Variants in PCDHGB2 observed in about 807,000 individuals in gnomAD.
PCDHGB2 encodes protocadherin gamma subfamily B, 2, also known as protocadherin gamma-B2.
PCDHGB2 carries 55 observed loss-of-function variants against 59.3 expected under a neutral mutation model. That is an observed-to-expected ratio of 0.93 (90% CI 0.75 to 1.16). PCDHGB2 has a LOEUF of 1.16. PCDHGB2 is among the 50% of genes most tolerant of loss of function. PCDHGB2 has a pLI of 0.00. For missense variants in PCDHGB2, 1,228 were observed against 1,198.5 expected, an observed-to-expected ratio of 1.02 and a Z score of -0.36; for synonymous variants, 516 against 512.0, an observed-to-expected ratio of 1.01 and a Z score of -0.11.
At chr5:141,441,920 A>G (rs1276085080) in intron 1 of PCDHGB2, 8 of 352,988 alleles carry the variant, frequency 2.3e-5, no homozygotes, top group East Asian at 8.9e-5. Context: ...GTGAGACACA[A>G]TGCGTGGCTG....
At position 141,432,195 on chromosome 5, in the gene PCDHGB2, C is replaced by G; in HGVS notation, c.2422-62612C>G. 1 of 1,614,206 alleles carries G rather than the reference C, an allele frequency of 6.2e-7. No individual in the cohort carries two copies. The highest frequency in any genetic ancestry group is 8.5e-7 in the Non-Finnish European group (1 of 1,180,050). On this transcript the variant is annotated intron_variant, in intron 1 of 3. Transcript: ENST00000522605. The surrounding 1 kb of genome is among the most constrained non-coding windows in gnomAD (Gnocchi z 6.0). ...CTCGTCTCTGTGACCGCCCACGACC[C>G]CGACTGTGAAGAGAACGCCCAGATC...
chr5:141,399,442 A>G, intron 1 of PCDHGB2: 1 of 1,613,996 alleles, frequency 6.2e-7, no homozygotes. Context: ...CCTACATATC[A>G]GAGACGTCAA....
At position 141,374,383 on chromosome 5, in the gene PCDHGB2, G is replaced by A. The variant is rs192911480; in HGVS notation, c.2421+11827G>A. On this transcript the variant is annotated intron_variant, in intron 1 of 3. Transcript: ENST00000522605. ...GCGAGGAGCTCTGTGCTCAGAGCCC[G>A]CGGTGTCTGGTGAGTTTTAACATCC... is the stretch of plus-strand genomic sequence containing the variant. 3.7e-6 allele frequency: 6 copies of A among 1,614,036 alleles called. No homozygotes were observed. In the African/African-American group the frequency reaches 8.0e-5, roughly 22 times the overall value.
intron 1 of PCDHGB2, chr5:141,410,849 C>CTTTTTTTTTTTTTTGTTTTTTTT (rs2095434772): frequency 7.7e-6 from 1 of 129,786 alleles, no homozygotes; most frequent in Admixed American, 1.1e-4. Flanking sequence ...TTGTCTTTGT[C>CTTTTTTTTTTTTTTGTTTTTTTT]TTTTTTTTTT....
At chr5:141,413,748 T>G (rs1264580781) in intron 1 of PCDHGB2, 1 of 1,613,288 alleles carries the variant, frequency 6.2e-7, no homozygotes, top group Admixed American at 1.7e-5. Flanking sequence ...GCCGTGCCAA[T>G]GGCGTCAAGT....
intron 1 of PCDHGB2, chr5:141,427,868 C>T (rs1311930991): frequency 4.5e-6 from 7 of 1,559,298 alleles, no homozygotes; most frequent in African/African-American, 2.7e-5. Context: ...CCTTCGAGCT[C>T]ACGATGCAGG....
rs2099883697 is a variant in PCDHGB2, at chr5:141,511,284, G to T, written c.*111G>T. On this transcript the variant is annotated 3_prime_UTR_variant, in exon 4 of 4. Coordinates refer to ENST00000522605, the MANE Select transcript of PCDHGB2 (RefSeq NM_018923.3). ...AGGGCTAACCCCCAGAATACTGGTA[G>T]GGGCCAAGGCCATGCTCCCCTTGGG... 6.5e-7 allele frequency: 1 copy of T among 1,528,258 alleles called. No homozygotes were observed. Among genetic ancestry groups the T allele is most frequent in the African/African-American group, 1.4e-5 (1 of 72,674 alleles). 94.7% of individuals were successfully genotyped at this position (1,528,258 alleles called of 1,614,324 possible). A position where few individuals can be genotyped will look rare whatever the true frequency, so the allele number is the denominator to read the frequency against.
chr5:141,411,193 AAAAC>A (rs1267742802), intron 1 of PCDHGB2: 2 of 152,212 alleles, frequency 1.3e-5, no homozygotes, highest in African/African-American at 4.8e-5. Flanking sequence ...GGCATCTAAG[AAAAC>A]AAACAAGTAA....
chr5:141,476,346 T>G lies in PCDHGB2; in HGVS notation c.2422-18461T>G, dbSNP rs1239836597. On this transcript the variant is annotated intron_variant, in intron 1 of 3. Coordinates refer to ENST00000522605, the MANE Select transcript of PCDHGB2 (RefSeq NM_018923.3). The surrounding 1 kb of genome is among the most constrained non-coding windows in gnomAD (Gnocchi z 7.6). The stretch of plus-strand genomic sequence containing the variant: ...GTGTCTGGAGCTAGCCGAAGATTCT[T>G]TGAGGTGAACCGGGAGACCGGAGAG... 2.5e-6 allele frequency: 4 copies of G among 1,613,932 alleles called. No individual in the cohort carries two copies. Among genetic ancestry groups the G allele is most frequent in the Non-Finnish European group, 3.4e-6 (4 of 1,180,022 alleles).
chr5:141,442,702 T>G (rs1301940560), intron 1 of PCDHGB2, among the ~76,000 whole-genome samples: 6 of 152,224 alleles, frequency 3.9e-5, no homozygotes, highest in Non-Finnish European at 8.8e-5. Context: ...GACAAGAGTA[T>G]CAGACATGCC....
chr5:141,409,803 C>T (rs779815582), intron 1 of PCDHGB2: 3 of 1,611,528 alleles, frequency 1.9e-6, no homozygotes, highest in African/African-American at 1.3e-5. Flanking sequence ...ACGCTGCAGG[C>T]CCGCGACCAC....
chr5:141,418,916 T>C (rs766021059), intron 1 of PCDHGB2: 26 of 1,613,830 alleles, frequency 1.6e-5, no homozygotes, highest in Non-Finnish European at 1.7e-6. Context: ...CACGTCACTC[T>C]CTGATCAGAT....
In PCDHGB2 at chr5:141,487,472, G is replaced by A. The variant is rs2099645737; in HGVS notation, c.2422-7335G>A. The A allele has an allele frequency of 2.5e-6, 4 of 1,614,178 alleles. No individual in the cohort carries two copies. Among genetic ancestry groups the A allele is most frequent in the Non-Finnish European group, 3.4e-6 (4 of 1,180,036 alleles). Reference sequence around the variant, plus strand: ...CCCTATCAAGTTTGTTGATGTGGGAGGCCACTCTCATGGCTGTACACCCTT... The same window carrying A: ...CCCTATCAAGTTTGTTGATGTGGGAAGCCACTCTCATGGCTGTACACCCTT... On this transcript the variant is annotated intron_variant, in intron 1 of 3. Coordinates refer to ENST00000522605, the MANE Select transcript of PCDHGB2 (RefSeq NM_018923.3). This position sits in a 1 kb window ranked among gnomAD's most constrained non-coding sequence, Gnocchi z 5.0.
In PCDHGB2 at chr5:141,431,961, A is replaced by C; in HGVS notation, c.2422-62846A>C. Reference sequence around the variant, plus strand: ...AAATTAGAAAAATCTTACGGAAATTACTATAGTTTAGTCACAGACATAGTC... The same window carrying C: ...AAATTAGAAAAATCTTACGGAAATTCCTATAGTTTAGTCACAGACATAGTC... On this transcript the variant is annotated intron_variant, in intron 1 of 3. Transcript: ENST00000522605. The surrounding 1 kb of genome is among the most constrained non-coding windows in gnomAD (Gnocchi z 4.8). 1 of 1,614,206 alleles carries C rather than the reference A, an allele frequency of 6.2e-7. No homozygotes were observed.
intron 1 of PCDHGB2, among the ~76,000 whole-genome samples, chr5:141,436,998 A>T (rs985067199): frequency 6.6e-6 from 1 of 152,242 alleles, no homozygotes; most frequent in African/African-American, 2.4e-5. Context: ...GTTTACTTCA[A>T]TGGGATCTTA....
At chr5:141,445,339 A>G (rs1450773291) in intron 1 of PCDHGB2, among the ~76,000 whole-genome samples, 1 of 152,152 alleles carries the variant, frequency 6.6e-6, no homozygotes, top group Non-Finnish European at 1.5e-5. Context: ...GAAACAGTAA[A>G]CATTGGTGTC....
At chr5:141,403,646 G>A in intron 1 of PCDHGB2, 1 of 1,613,950 alleles carries the variant, frequency 6.2e-7, no homozygotes, top group Non-Finnish European at 8.5e-7. Context: ...CCATGTGACA[G>A]TGTTGGATAC....
intron 1 of PCDHGB2, among the ~76,000 whole-genome samples, chr5:141,435,017 C>T (rs1477938779): frequency 1.3e-5 from 2 of 151,994 alleles, no homozygotes; most frequent in Middle Eastern, 3.2e-3. Flanking sequence ...AATGATAATG[C>T]TCTTTTCCCA....
At chr5:141,364,372 G>A in intron 1 of PCDHGB2, 1 of 1,572,570 alleles carries the variant, frequency 6.4e-7, no homozygotes, top group African/African-American at 1.4e-5. Flanking sequence ...GAGAGCTGCT[G>A]CTGCCCTTCA....
Sources: gnomAD v4.1 joint callset for allele counts (sites outside exome capture counted in the v4.1 genomes callset) on GRCh38, gnomAD v4.1.1 for gene constraint, Gnocchi (gnomAD v3.1) non-coding constraint, MANE v1.5 for transcripts, NCBI Gene and HGNC (gene_info 2026-07-23, HGNC 2026-07-21) for gene names.